The following ANXA4 variants were observed in gnomAD, a reference collection of about 807,000 sequenced individuals.
ANXA4 encodes the protein 35-beta calcimedin.
A neutral mutation model predicts 49.8 loss-of-function variants in ANXA4; 39 were observed. That is an observed-to-expected ratio of 0.78 (90% CI 0.61 to 1.02). The LOEUF (loss-of-function observed/expected upper bound fraction) is 1.02. Among genes scored for constraint, ANXA4 ranks in the 50% least tolerant of loss-of-function variants. ANXA4 has a pLI of 0.00. For synonymous variants in ANXA4, 134 were observed against 152.5 expected, an observed-to-expected ratio of 0.88 and a Z score of 0.89; for missense variants, 360 against 410.1, an observed-to-expected ratio of 0.88 and a Z score of 1.05.
At chr2:69,790,714 G>T (rs1294214430) in intron 3 of ANXA4, among the ~76,000 whole-genome samples, 2 of 152,144 alleles carry the variant, frequency 1.3e-5, no homozygotes, top group African/African-American at 4.8e-5. Flanking sequence ...CCCAGAACTA[G>T]AACATGTTTC....
intron 3 of ANXA4, among the ~76,000 whole-genome samples, chr2:69,735,209 A>G (rs893904157): frequency 3.9e-5 from 6 of 152,212 alleles, no homozygotes; most frequent in African/African-American, 1.4e-4. Flanking sequence ...TTTGAAACAG[A>G]CCTCTGAGGA....
intron 2 of ANXA4, among the ~76,000 whole-genome samples, chr2:69,698,373 A>C (rs1470389502): frequency 6.6e-6 from 1 of 152,230 alleles, no homozygotes; most frequent in South Asian, 2.1e-4. Context: ...CCCCACCCGC[A>C]GAAATTTATG....
intron 3 of ANXA4, 48 bp from the exon 4 acceptor site, chr2:69,804,485 A>C: frequency 6.5e-7 from 1 of 1,534,832 alleles, no homozygotes; most frequent in Non-Finnish European, 9.0e-7. Flanking sequence ...CTGCTTTCTC[A>C]TTCCTCTCTC....
intron 3 of ANXA4, among the ~76,000 whole-genome samples, chr2:69,794,819 T>C (rs1410246978): frequency 6.6e-6 from 1 of 152,178 alleles, no homozygotes; most frequent in Non-Finnish European, 1.5e-5. Flanking sequence ...GAGCCTTAGG[T>C]TCCCAAAAGA....
intron 3 of ANXA4, among the ~76,000 whole-genome samples, chr2:69,726,037 C>G (rs1392085076): frequency 6.6e-6 from 1 of 152,070 alleles, no homozygotes; most frequent in African/African-American, 2.4e-5. Context: ...TCCTGAAGAG[C>G]CTGATATGGT....
chr2:69,682,913 C>T (rs533871113), intron 2 of ANXA4, among the ~76,000 whole-genome samples: 2 of 152,132 alleles, frequency 1.3e-5, no homozygotes, highest in South Asian at 4.1e-4. Flanking sequence ...TTATGATCTT[C>T]TTTGTGCTTT....
intron 2 of ANXA4, among the ~76,000 whole-genome samples, chr2:69,668,011 G>T (rs370269128): frequency 6.6e-6 from 1 of 152,192 alleles, no homozygotes. Context: ...GTCCCTGCTC[G>T]TCTCATGTCT....
intron 1 of ANXA4, among the ~76,000 whole-genome samples, chr2:69,645,318 T>C (rs1675965996): frequency 6.6e-6 from 1 of 152,250 alleles, no homozygotes; most frequent in African/African-American, 2.4e-5. Context: ...CACGAATTCA[T>C]GTAGCCACCT....
chr2:69,781,478 A>T (rs570043127), intron 1 of ANXA4, 42 bp from the exon 2 acceptor site: 1 of 1,509,558 alleles, frequency 6.6e-7, no homozygotes. Flanking sequence ...TTTTAATGCC[A>T]TTTCCTTCAT....
chr2:69,802,980 T>G (rs1573289821), intron 3 of ANXA4, among the ~76,000 whole-genome samples: 2 of 151,944 alleles, frequency 1.3e-5, no homozygotes, highest in Admixed American at 6.6e-5. Flanking sequence ...GTGGATCGCC[T>G]GAGGTCAGGA....
At position 69,710,173 on chromosome 2, in the gene ANXA4, G is replaced by A. The variant is rs550396887; in HGVS notation, n.767-10601G>A. On this transcript the variant is annotated intron_variant and non_coding_transcript_variant, in intron 2 of 3. Transcript: ENST00000418066. ...CGGCTAATTTTGTATTTTTAGTAGA[G>A]ACAGGGTTTCACCATATTGGCCAGG... Among the ~76,000 whole-genome samples, 261 of 152,012 alleles carry A rather than the reference G, an allele frequency of 1.7e-3. 1 individual carries two copies. Among genetic ancestry groups the A allele is most frequent in the Non-Finnish European group, 2.9e-3 (198 of 67,980 alleles).
chr2:69,663,929 G>A (rs994963667), intron 2 of ANXA4, among the ~76,000 whole-genome samples: 1 of 152,166 alleles, frequency 6.6e-6, no homozygotes, highest in Admixed American at 6.5e-5. Context: ...GAGAACTAAA[G>A]AGCATGAATT....
chr2:69,821,201 T>C (rs1674231492), intron 12 of ANXA4, among the ~76,000 whole-genome samples: 1 of 152,162 alleles, frequency 6.6e-6, no homozygotes, highest in Admixed American at 6.5e-5. Context: ...CTATCCTGAA[T>C]TACTGTTCTT....
At chr2:69,760,978 A>G (rs1156866523) in intron 1 of ANXA4, among the ~76,000 whole-genome samples, 1 of 151,488 alleles carries the variant, frequency 6.6e-6, no homozygotes, top group Admixed American at 6.6e-5. Flanking sequence ...CCTGGGCAAC[A>G]TAGTGACACC....
At chr2:69,783,248 C>T (rs1372260302) in intron 2 of ANXA4, among the ~76,000 whole-genome samples, 2 of 152,004 alleles carry the variant, frequency 1.3e-5, no homozygotes, top group African/African-American at 4.8e-5. Context: ...GACAGAGTCT[C>T]AATCTGTTGC....
chr2:69,671,995 T>A (rs1315603610), intron 2 of ANXA4, among the ~76,000 whole-genome samples: 1 of 152,228 alleles, frequency 6.6e-6, no homozygotes, highest in African/African-American at 2.4e-5. Flanking sequence ...GATTCAATTC[T>A]CACATGTTTA....
At chr2:69,717,135 C>G (rs1320908010) in intron 2 of ANXA4, among the ~76,000 whole-genome samples, 3 of 152,224 alleles carry the variant, frequency 2.0e-5, no homozygotes, top group Non-Finnish European at 4.4e-5. Flanking sequence ...AGCTGACGCC[C>G]TGAGGGTGCA....
rs1168905426 is a variant in ANXA4, at chr2:69,788,058, C to G, written c.14C>G (p.Thr5Ser). 1 of 1,613,560 alleles carries G rather than the reference C, an allele frequency of 6.2e-7. No homozygotes were observed. The highest frequency in any genetic ancestry group is 8.5e-7 in the Non-Finnish European group (1 of 1,179,698). The change falls in exon 3 of 13, where the codon ACC becomes AGC. Residue 5 changes from threonine to serine, a missense_variant. Transcript: ENST00000394295. The part of the protein sequence containing the change: MAMA[T>S]KGGTVKAASG... ...ATCACTCTCTTGTGTGCTCAGGCAA[C>G]CAAAGGAGGTACTGTCAAAGCTGCT...
chr2:69,652,310 C>T lies in ANXA4; in HGVS notation n.482-688C>T, dbSNP rs183070072. On this transcript the variant is annotated intron_variant and non_coding_transcript_variant, in intron 1 of 3. Transcript: ENST00000418066. ...CGTGAGCTACCACGCCCAGCCTCTT[C>T]CTCATCTTGAGTGCTGTGTTTTCTT... 3.2e-4 allele frequency among the ~76,000 whole-genome samples: 48 copies of T among 152,326 alleles called. No individual in the cohort carries two copies. In the East Asian group the frequency reaches 9.3e-3, roughly 29 times the overall value.
Sources: allele counts gnomAD v4.1 joint callset (sites outside exome capture counted in the v4.1 genomes callset), GRCh38; gene constraint gnomAD v4.1.1; transcripts MANE v1.5; gene names NCBI Gene and HGNC (gene_info 2026-07-23, HGNC 2026-07-21).